ANO4: variants seen among roughly 807,000 people sequenced by gnomAD.
The protein encoded by ANO4 is anoctamin-4.
A neutral mutation model predicts 141.9 loss-of-function variants in ANO4; 69 were observed. The ratio of observed to expected loss-of-function variants is 0.49; its 90% CI spans 0.40 to 0.59. The LOEUF (loss-of-function observed/expected upper bound fraction) is 0.59, where lower values mean the gene tolerates loss of function less well. ANO4 is among the 20% of genes least tolerant of loss of function. The pLI is 0.00. For missense variants in ANO4, 894 were observed against 1,162.2 expected, an observed-to-expected ratio of 0.77 and a Z score of 3.36; for synonymous variants, 350 against 394.3, an observed-to-expected ratio of 0.89 and a Z score of 1.33.
chr12:101,079,950 C>T (rs539694466), intron 15 of ANO4, among the ~76,000 whole-genome samples: 14 of 152,318 alleles, frequency 9.2e-5, no homozygotes, highest in African/African-American at 3.1e-4. Flanking sequence ...CCACACTAGG[C>T]GTGGTCACCA....
chr12:100,722,983 C>A (rs1261896810), intron 1 of ANO4, among the ~76,000 whole-genome samples: 1 of 151,636 alleles, frequency 6.6e-6, no homozygotes, highest in African/African-American at 2.4e-5. Flanking sequence ...TTAATGACTT[C>A]TCTTGTTTTT....
At chr12:101,080,865 G>GATATATATATATATT (rs1555296490) in intron 15 of ANO4, among the ~76,000 whole-genome samples, 9,541 of 107,220 alleles carry the variant, frequency 0.089, 633 homozygotes, top group South Asian at 0.16. Flanking sequence ...CTAGGTTCTA[G>GATATATATATATATT]ATATATATAT....
intron 1 of ANO4, among the ~76,000 whole-genome samples, chr12:100,849,353 C>A (rs1360934869): frequency 6.6e-6 from 1 of 152,150 alleles, no homozygotes; most frequent in African/African-American, 2.4e-5. Flanking sequence ...TCGTATGTTA[C>A]AAATTTTAAA....
In ANO4 at chr12:100,849,461, A is replaced by G. The variant is rs142492811; in HGVS notation, c.-140-52185A>G. On this transcript the variant is annotated intron_variant, in intron 1 of 27. Coordinates refer to ENST00000392977, the MANE Select transcript of ANO4 (RefSeq NM_001286615.2). ...GAGGCAGTCAACGTTTTAGTTTTAT[A>G]CCTTTCACAAGACGAATGGTAACAT... 8.8e-4 allele frequency among the ~76,000 whole-genome samples: 134 copies of G among 152,274 alleles called. 1 individual carries two copies. The East Asian group carries it at 0.022, about 25-fold the overall frequency.
At chr12:100,899,160 A>G (rs1376828028) in intron 1 of ANO4, among the ~76,000 whole-genome samples, 1 of 152,188 alleles carries the variant, frequency 6.6e-6, no homozygotes, top group East Asian at 1.9e-4. Flanking sequence ...CCTATCTCCT[A>G]CGGGGCCACC....
intron 2 of ANO4, among the ~76,000 whole-genome samples, chr12:100,908,832 G>T (rs1187179424): frequency 6.6e-6 from 1 of 152,226 alleles, no homozygotes; most frequent in East Asian, 1.9e-4. Flanking sequence ...AACAAAAAGA[G>T]AATTTGGGAG....
At chr12:101,103,653 T>C (rs11110653) in intron 22 of ANO4, among the ~76,000 whole-genome samples, 9 of 151,924 alleles carry the variant, frequency 5.9e-5, no homozygotes, top group Admixed American at 5.9e-4. Flanking sequence ...ATTTTGCTTA[T>C]GATATTTATA....
intron 3 of ANO4, among the ~76,000 whole-genome samples, chr12:100,765,142 T>A (rs2135536128): frequency 6.6e-6 from 1 of 152,348 alleles, no homozygotes; most frequent in South Asian, 2.1e-4. Flanking sequence ...TTTCTTGTTA[T>A]TCTTCTGTTC....
At chr12:101,061,576 G>T (rs1039953609) in intron 14 of ANO4, among the ~76,000 whole-genome samples, 1 of 151,722 alleles carries the variant, frequency 6.6e-6, no homozygotes, top group Non-Finnish European at 1.5e-5. Context: ...GGCTTTGTTT[G>T]TTCCTTTTCA....
intron 15 of ANO4, among the ~76,000 whole-genome samples, chr12:101,080,883 T>TATATATATATATATA (rs1491584060): frequency 1.4e-5 from 1 of 74,072 alleles, no homozygotes; most frequent in East Asian, 5.5e-4. Flanking sequence ...TATATATATA[T>TATATATATATATATA]TATATATATA....
intron 14 of ANO4, among the ~76,000 whole-genome samples, chr12:101,049,653 G>A (rs1219944547): frequency 1.3e-5 from 2 of 152,174 alleles, no homozygotes; most frequent in Admixed American, 6.5e-5. Context: ...TTATGATACA[G>A]TGAATGTATT....
At chr12:100,935,049 T>C (rs1348906688) in intron 3 of ANO4, among the ~76,000 whole-genome samples, 4 of 152,214 alleles carry the variant, frequency 2.6e-5, no homozygotes. Flanking sequence ...AGGGACAATG[T>C]GACTTCCTCA....
At chr12:100,719,835 G>T (rs905527720) in intron 1 of ANO4, among the ~76,000 whole-genome samples, 3 of 152,110 alleles carry the variant, frequency 2.0e-5, no homozygotes, top group Admixed American at 2.0e-4. Flanking sequence ...TTTTGAGCTT[G>T]CTCTTTCCGC....
In ANO4 at chr12:100,729,862, T is replaced by C. The variant is rs190800979; in HGVS notation, c.23-3912T>C. Among the ~76,000 whole-genome samples the C allele has an allele frequency of 3.1e-3, 479 of 152,366 alleles. 5 individuals are homozygous for C. The highest frequency in any genetic ancestry group is 0.011 in the African/African-American group (445 of 41,582). Reference sequence around the variant, plus strand: ...GCCACCAAAATTGTTGCCCTGGTTTTACCATTCAGGCTTGATTCAAATTGC... The same window carrying C: ...GCCACCAAAATTGTTGCCCTGGTTTCACCATTCAGGCTTGATTCAAATTGC... On this transcript the variant is annotated intron_variant, in intron 1 of 29. Transcript: ENST00000644049.
chr12:100,763,973 G>T (rs2032979287), intron 3 of ANO4, among the ~76,000 whole-genome samples: 2 of 151,788 alleles, frequency 1.3e-5, no homozygotes, highest in Non-Finnish European at 2.9e-5. Context: ...TTTAGGATTT[G>T]ATTCTTGCCT....
chr12:101,015,671 G>T (rs2046287896), intron 8 of ANO4, among the ~76,000 whole-genome samples: 1 of 152,168 alleles, frequency 6.6e-6, no homozygotes, highest in Admixed American at 6.6e-5. Flanking sequence ...GAAGATATAT[G>T]CGTAGTTTTG....
At chr12:100,820,355 CAAA>C (rs10713790) in intron 1 of ANO4, among the ~76,000 whole-genome samples, 6 of 141,188 alleles carry the variant, frequency 4.2e-5, no homozygotes, top group Admixed American at 1.4e-4. Context: ...GTCGGTTTCT[CAAA>C]AAAAAAAAAA....
intron 24 of ANO4, among the ~76,000 whole-genome samples, chr12:101,116,252 G>A (rs2050845389): frequency 6.6e-6 from 1 of 152,174 alleles, no homozygotes; most frequent in Admixed American, 6.5e-5. Flanking sequence ...TGGGATATGA[G>A]TTGGGGGGAT....
chr12:100,920,076 C>G (rs2041560925), intron 2 of ANO4, among the ~76,000 whole-genome samples: 1 of 151,888 alleles, frequency 6.6e-6, no homozygotes, highest in East Asian at 1.9e-4. Flanking sequence ...AATTGGGCTT[C>G]TATTTATTAG....
Sources: gnomAD v4.1 joint callset for allele counts (sites outside exome capture counted in the v4.1 genomes callset) on GRCh38, gnomAD v4.1.1 for gene constraint, MANE v1.5 for transcripts, NCBI Gene and HGNC (gene_info 2026-07-23, HGNC 2026-07-21) for gene names.